Variants in CDH13 observed in about 807,000 individuals in gnomAD.
CDH13 encodes cadherin 13, also known as cadherin-13.
In CDH13, 24 loss-of-function variants were observed where a neutral mutation model predicts 63.8. The observed-to-expected ratio is 0.38, with a 90% confidence interval of 0.27 to 0.53. The LOEUF is 0.53. Among genes scored for constraint, CDH13 ranks in the 20% least tolerant of loss-of-function variants. The pLI is 0.85. For missense variants in CDH13, 1,049 were observed against 903.1 expected (o/e 1.16, Z -2.07); for synonymous variants, 503 against 355.3 (o/e 1.42, Z -4.67).
At chr16:82,640,629 C>G (rs1279927990) in intron 1 of CDH13, among the ~76,000 whole-genome samples, 2 of 152,160 alleles carry the variant, frequency 1.3e-5, no homozygotes, top group African/African-American at 4.8e-5. Context: ...AAACCAGTAG[C>G]TGCCTTACCA....
intron 5 of CDH13, among the ~76,000 whole-genome samples, chr16:83,279,855 C>T (rs75376892): frequency 0.077 from 11,155 of 145,288 alleles, 552 homozygotes; most frequent in Non-Finnish European, 0.11. Context: ...TTTTTTTTTG[C>T]TTTTCCAGTA....
intron 7 of CDH13, among the ~76,000 whole-genome samples, chr16:83,490,182 C>G (rs1428096742): frequency 6.6e-6 from 1 of 152,148 alleles, no homozygotes; most frequent in East Asian, 1.9e-4. Context: ...AATTTTTCAT[C>G]TTTATTTTCC....
intron 6 of CDH13, among the ~76,000 whole-genome samples, chr16:83,470,144 C>T (rs1397504742): frequency 6.6e-6 from 1 of 152,178 alleles, no homozygotes; most frequent in African/African-American, 2.4e-5. Context: ...TGCACACTCT[C>T]GCTTTGACAT....
At chr16:83,605,988 A>G (rs1241154766) in intron 8 of CDH13, among the ~76,000 whole-genome samples, 3 of 152,178 alleles carry the variant, frequency 2.0e-5, no homozygotes, top group Non-Finnish European at 2.9e-5. Flanking sequence ...TGCTGGGGAG[A>G]GGAGAGCTCC....
intron 3 of CDH13, among the ~76,000 whole-genome samples, chr16:83,082,855 G>T (rs1196419314): frequency 6.6e-6 from 1 of 152,220 alleles, no homozygotes; most frequent in African/African-American, 2.4e-5. Context: ...ATTCGGTGCT[G>T]CTGTTTTAAC....
At chr16:83,552,577 T>G (rs12918411) in intron 7 of CDH13, among the ~76,000 whole-genome samples, 1 of 152,044 alleles carries the variant, frequency 6.6e-6, no homozygotes, top group Non-Finnish European at 1.5e-5. Flanking sequence ...ATTACTTTTT[T>G]TGCAGTGAAT....
chr16:82,852,003 G>C (rs770363624), intron 1 of CDH13, among the ~76,000 whole-genome samples: 2 of 152,136 alleles, frequency 1.3e-5, no homozygotes, highest in Non-Finnish European at 2.9e-5. Flanking sequence ...AAAAAGAGTT[G>C]GAGAGAGGAA....
At chr16:82,631,612 C>T (rs532026742) in intron 1 of CDH13, among the ~76,000 whole-genome samples, 4 of 152,324 alleles carry the variant, frequency 2.6e-5, no homozygotes, top group East Asian at 1.9e-4. Context: ...TCTTCTGCAG[C>T]CACCTGGGAT....
chr16:82,955,304 G>T (rs1370282379), intron 2 of CDH13, among the ~76,000 whole-genome samples: 3 of 152,312 alleles, frequency 2.0e-5, no homozygotes, highest in East Asian at 3.9e-4. Context: ...TCAGGCACTT[G>T]CAGACATAGA....
chr16:83,268,841 A>C (rs936039623), intron 5 of CDH13, among the ~76,000 whole-genome samples: 1 of 152,194 alleles, frequency 6.6e-6, no homozygotes, highest in African/African-American at 2.4e-5. Flanking sequence ...CAGAGAGGCC[A>C]GAGCTGCTCT....
chr16:82,752,098 A>G (rs922552068), intron 1 of CDH13, among the ~76,000 whole-genome samples: 5 of 152,378 alleles, frequency 3.3e-5, no homozygotes, highest in Admixed American at 6.5e-5. Context: ...AAGCAGCAGC[A>G]TGGGAAACAA....
chr16:83,181,202 T>G, intron 4 of CDH13: 1 of 491,324 alleles, frequency 2.0e-6, no homozygotes, highest in East Asian at 3.6e-5. Context: ...CTCAGGCAAG[T>G]CATTTAGTAT....
chr16:83,270,955 C>T (rs1174571249), intron 5 of CDH13, among the ~76,000 whole-genome samples: 1 of 149,674 alleles, frequency 6.7e-6, no homozygotes, highest in Non-Finnish European at 1.5e-5. Context: ...TCCCTCCCTC[C>T]TTTCTTCCTC....
intron 6 of CDH13, among the ~76,000 whole-genome samples, chr16:83,447,211 T>G (rs1197793560): frequency 6.8e-6 from 1 of 146,078 alleles, no homozygotes; most frequent in South Asian, 2.2e-4. Flanking sequence ...GGTCAGGAGT[T>G]CGAGACCAGC....
intron 4 of CDH13, among the ~76,000 whole-genome samples, chr16:83,212,128 G>C (rs1426924403): frequency 6.6e-6 from 1 of 152,156 alleles, no homozygotes; most frequent in African/African-American, 2.4e-5. Context: ...AGGCTCAGCT[G>C]CTGCAGCTGT....
intron 1 of CDH13, among the ~76,000 whole-genome samples, chr16:82,788,639 G>A (rs920690148): frequency 5.3e-5 from 8 of 152,148 alleles, no homozygotes; most frequent in African/African-American, 1.4e-4. Context: ...ATTACCCCTC[G>A]TTCTATCTAT....
intron 5 of CDH13, among the ~76,000 whole-genome samples, chr16:83,295,465 G>A (rs1461238599): frequency 6.6e-6 from 1 of 151,908 alleles, no homozygotes; most frequent in East Asian, 1.9e-4. Context: ...TTTGCAAACT[G>A]TACATCTGAT....
At chr16:83,274,485 C>T (rs914747846) in intron 5 of CDH13, among the ~76,000 whole-genome samples, 5 of 152,196 alleles carry the variant, frequency 3.3e-5, no homozygotes, top group African/African-American at 1.2e-4. Flanking sequence ...CCTGAAAGCA[C>T]TTACCACAGT....
chr16:83,115,852 C>G (rs1175521311), intron 3 of CDH13, among the ~76,000 whole-genome samples: 5 of 152,174 alleles, frequency 3.3e-5, no homozygotes, highest in Non-Finnish European at 7.4e-5. Context: ...TTCTATTATG[C>G]AAAGCCAGGG....
Sources: gnomAD v4.1 joint callset for allele counts (sites outside exome capture counted in the v4.1 genomes callset) on GRCh38, gnomAD v4.1.1 for gene constraint, MANE v1.5 for transcripts, NCBI Gene and HGNC (gene_info 2026-07-23, HGNC 2026-07-21) for gene names.